GLYATL1: variants seen among roughly 807,000 people sequenced by gnomAD.
The protein encoded by GLYATL1 is glycine N-acyltransferase-like protein 1.
Under a neutral mutation model 20.0 loss-of-function variants are expected in GLYATL1, and 15 were observed. That is an observed-to-expected ratio of 0.75 (90% CI 0.50 to 1.15). The LOEUF is 1.15. Among genes scored for constraint, GLYATL1 ranks in the 50% most tolerant of loss-of-function variants. GLYATL1 has a pLI of 0.00. For missense variants in GLYATL1, 380 were observed against 368.5 expected (o/e 1.03, Z -0.26); for synonymous variants, 151 against 131.5 (o/e 1.15, Z -1.01).
chr11:58,956,045 T>C lies in GLYATL1; in HGVS notation c.*18T>C. 2 of 1,596,644 alleles carry C rather than the reference T, an allele frequency of 1.3e-6. No homozygotes were observed. The highest frequency in any genetic ancestry group is 1.7e-6 in the Non-Finnish European group (2 of 1,166,908). On this transcript the variant is annotated 3_prime_UTR_variant, in exon 7 of 7. Coordinates refer to ENST00000532726, the MANE Select transcript of GLYATL1 (RefSeq NM_001389712.2). ...CATTTTAGACAATGAAGCTGCTTAG[T>C]AATCTCTGCCAAGCCATCTCTTAAT...
chr11:58,910,333 C>T (rs1855009299), downstream of GLYATL1, among the ~76,000 whole-genome samples: 2 of 152,182 alleles, frequency 1.3e-5, no homozygotes, highest in South Asian at 4.2e-4. Flanking sequence ...TCACTTTAGA[C>T]TTTGTTAAGT....
downstream of GLYATL1, among the ~76,000 whole-genome samples, chr11:58,910,852 T>G (rs1855022925): frequency 6.6e-6 from 1 of 152,194 alleles, no homozygotes; most frequent in Non-Finnish European, 1.5e-5. Flanking sequence ...AGTATACAGT[T>G]CAATGGCTTA....
At chr11:58,924,574 T>C (rs497559), upstream of GLYATL1, among the ~76,000 whole-genome samples, 7,576 of 152,308 alleles carry the variant, frequency 0.05, 272 homozygotes, top group Middle Eastern at 0.075. Flanking sequence ...ATTTCCCCGT[T>C]TTTGTTTTCG....
At chr11:58,913,226 G>A (rs1855093504), downstream of GLYATL1, among the ~76,000 whole-genome samples, 1 of 152,036 alleles carries the variant, frequency 6.6e-6, no homozygotes, top group Non-Finnish European at 1.5e-5. Flanking sequence ...GTTGAGAGTG[G>A]AGGCTATTCC....
At chr11:58,915,289 G>A (rs554250268) in intron 1 of GLYATL1, among the ~76,000 whole-genome samples, 1 of 152,184 alleles carries the variant, frequency 6.6e-6, no homozygotes, top group African/African-American at 2.4e-5. Context: ...CTCCTGGTGA[G>A]GTGAAATGCT....
chr11:58,908,613 T>C (rs957215922), downstream of GLYATL1: 1 of 158,458 alleles, frequency 6.3e-6, no homozygotes, highest in Non-Finnish European at 1.4e-5. Context: ...ATTCAGATTC[T>C]TGGAGATAAA....
chr11:58,942,549 T>C (rs1044079216), intron 1 of GLYATL1: 1 of 152,064 alleles, frequency 6.6e-6, no homozygotes, highest in Non-Finnish European at 1.5e-5. Flanking sequence ...GGTGAAGAAA[T>C]GGAGTTGCCA....
chr11:58,936,285 T>C (rs765506011), upstream of GLYATL1, among the ~76,000 whole-genome samples: 3 of 152,242 alleles, frequency 2.0e-5, no homozygotes, highest in Admixed American at 6.5e-5. Flanking sequence ...GGAGTCACAA[T>C]GTGCAAAATT....
Position 58,948,945 on chromosome 11 carries a change from G to A in GLYATL1, c.186+980G>A, listed in dbSNP as rs149245043. ...GGCACTTCTGTGAGTTTCATCATCC[G>A]TTAAAATGGGGAAAATAAGAGGATC... is the stretch of plus-strand genomic sequence containing the variant. On this transcript the variant is annotated intron_variant, in intron 4 of 6. Transcript: ENST00000532726. Among the ~76,000 whole-genome samples, 400 of 152,258 alleles carry A rather than the reference G, an allele frequency of 2.6e-3. 1 individual carries two copies. Among genetic ancestry groups the A allele is most frequent in the African/African-American group, 8.4e-3 (350 of 41,564 alleles).
At chr11:58,928,854 G>A (rs1260349314) in intron 1 of GLYATL1, among the ~76,000 whole-genome samples, 1 of 152,114 alleles carries the variant, frequency 6.6e-6, no homozygotes, top group Non-Finnish European at 1.5e-5. Context: ...CCATTAGGGG[G>A]CAATATCCTT....
chr11:58,911,214 A>G (rs967321553), downstream of GLYATL1, among the ~76,000 whole-genome samples: 7 of 152,180 alleles, frequency 4.6e-5, no homozygotes, highest in Non-Finnish European at 8.8e-5. Flanking sequence ...AAATCTGTTT[A>G]TCCATTCACT....
upstream of GLYATL1, among the ~76,000 whole-genome samples, chr11:58,924,794 A>T (rs766796000): frequency 7.9e-5 from 12 of 152,220 alleles, no homozygotes; most frequent in African/African-American, 1.4e-4. Context: ...GTTGCTAAGG[A>T]ACCCCACTGA....
At chr11:58,911,039 C>T (rs1043317797), downstream of GLYATL1, among the ~76,000 whole-genome samples, 23 of 152,170 alleles carry the variant, frequency 1.5e-4, no homozygotes, top group Admixed American at 1.3e-4. Context: ...TCTAGTGTTG[C>T]CTTTTCCAGA....
chr11:58,944,123 GA>G (rs1200773237), intron 2 of GLYATL1, among the ~76,000 whole-genome samples: 1 of 152,134 alleles, frequency 6.6e-6, no homozygotes, highest in East Asian at 1.9e-4. Context: ...AAGTCTTACA[GA>G]AATGGCAAAA....
downstream of GLYATL1, among the ~76,000 whole-genome samples, chr11:58,912,708 C>G (rs1855079675): frequency 6.6e-6 from 1 of 152,132 alleles, no homozygotes; most frequent in African/African-American, 2.4e-5. Flanking sequence ...TGACAGAAAA[C>G]AGAGGGGAGG....
At chr11:58,943,744 T>C in intron 2 of GLYATL1, 78 bp downstream of exon 2, 1 of 1,570,238 alleles carries the variant, frequency 6.4e-7, no homozygotes. Context: ...AAATTTCTGA[T>C]CCAAACTGGG....
At chr11:58,954,667 G>A in intron 4 of GLYATL1, 103 bp from the exon 5 acceptor site, 1 of 1,134,230 alleles carries the variant, frequency 8.8e-7, no homozygotes. Flanking sequence ...ATGGGCCACT[G>A]TTAAAATTTT....
chr11:58,932,524 G>A (rs973404969), intron 1 of GLYATL1, among the ~76,000 whole-genome samples: 1 of 152,114 alleles, frequency 6.6e-6, no homozygotes, highest in Non-Finnish European at 1.5e-5. Context: ...CTGCATATGT[G>A]CACCAGGAAA....
chr11:58,956,068 A>C lies in GLYATL1; in HGVS notation c.*41A>C. 6.5e-7 allele frequency: 1 copy of C among 1,544,226 alleles called. No homozygotes were observed. The highest frequency in any genetic ancestry group is 8.9e-7 in the Non-Finnish European group (1 of 1,126,484). On this transcript the variant is annotated 3_prime_UTR_variant, in exon 7 of 7. Transcript: ENST00000532726. ...AGTAATCTCTGCCAAGCCATCTCTT[A>C]ATATTAAAGCAGACACCACAGAATA...
Sources: allele counts gnomAD v4.1 joint callset (sites outside exome capture counted in the v4.1 genomes callset), GRCh38; gene constraint gnomAD v4.1.1; transcripts MANE v1.5; gene names NCBI Gene and HGNC (gene_info 2026-07-23, HGNC 2026-07-21).